Variants in SLC39A9 observed in about 807,000 individuals in gnomAD.
SLC39A9 encodes zinc transporter ZIP9.
A neutral mutation model predicts 28.4 loss-of-function variants in SLC39A9; 14 were observed. That is an observed-to-expected ratio of 0.49 (90% CI 0.33 to 0.77). The LOEUF (loss-of-function observed/expected upper bound fraction) is 0.77. SLC39A9 is among the 30% of genes least tolerant of loss of function. The pLI is 0.02. For synonymous variants in SLC39A9, 119 were observed against 149.6 expected (o/e 0.80, Z 1.49); for missense variants, 283 against 381.1 (o/e 0.74, Z 2.14).
chr14:69,411,003 G>T (rs1243121718), intron 1 of SLC39A9, among the ~76,000 whole-genome samples: 1 of 152,098 alleles, frequency 6.6e-6, no homozygotes, highest in Non-Finnish European at 1.5e-5. Flanking sequence ...CTTGAGGTCA[G>T]GAGTTTGAGA....
At chr14:69,412,127 C>T (rs535889496) in intron 1 of SLC39A9, among the ~76,000 whole-genome samples, 163 of 151,708 alleles carry the variant, frequency 1.1e-3, no homozygotes, top group African/African-American at 3.7e-3. Flanking sequence ...CAGTGACTCA[C>T]GCCTGTAATC....
intron 2 of SLC39A9, chr14:69,429,553 C>G (rs1884379838): frequency 6.6e-6 from 1 of 152,124 alleles, no homozygotes; most frequent in African/African-American, 2.4e-5. Flanking sequence ...TAGTGAAACC[C>G]TGTCCTTACA....
Position 69,442,121 on chromosome 14 carries a change from A to G in SLC39A9, c.258A>G (p.Ala86=). 1 of 1,614,230 alleles carries G rather than the reference A, an allele frequency of 6.2e-7. No homozygotes were observed. Among genetic ancestry groups the G allele is most frequent in the East Asian group, 2.2e-5 (1 of 44,892 alleles). Residue 86 remains alanine (A), a synonymous_variant, in exon 3 of 7, where the codon GCA becomes GCG. Transcript: ENST00000336643. ...ATAATGTGATTGCATCAGACAAAGC[A>G]GCAGAAAAATCAGTTGTCCATGAAC... ...ETHNVIASDK[A]AEKSVVHEHE... is the part of the protein sequence containing the mutation.
intron 2 of SLC39A9, 142 bp from the exon 3 acceptor site, chr14:69,441,927 T>C: frequency 7.0e-7 from 1 of 1,421,496 alleles, no homozygotes; most frequent in Non-Finnish European, 9.1e-7. Flanking sequence ...AAGGAGTTAA[T>C]GATTGGCTGG....
At chr14:69,435,426 C>T (rs1471448065) in intron 2 of SLC39A9, among the ~76,000 whole-genome samples, 1 of 152,098 alleles carries the variant, frequency 6.6e-6, no homozygotes, top group Non-Finnish European at 1.5e-5. Flanking sequence ...TATTTTTAGC[C>T]AGTGCCATTC....
Position 69,399,325 on chromosome 14 carries a change from G to A in SLC39A9, c.-45G>A. The A allele has an allele frequency of 6.4e-7, 1 of 1,560,720 alleles. No homozygotes were observed. The highest frequency in any genetic ancestry group is 1.1e-5 in the South Asian group (1 of 89,072). On this transcript the variant is annotated 5_prime_UTR_variant, in exon 1 of 7. Coordinates refer to ENST00000336643, the MANE Select transcript of SLC39A9 (RefSeq NM_018375.5). ...AACCTAAGCACCATTTAAAGCCACT[G>A]GAAATTTGTTGTCTAGTGGTTGTGG...
chr14:69,456,932 C>G (rs911677482), intron 6 of SLC39A9, among the ~76,000 whole-genome samples: 2 of 152,178 alleles, frequency 1.3e-5, no homozygotes, highest in African/African-American at 2.4e-5. Flanking sequence ...GAAGAGCCTT[C>G]TCTTCTTTCA....
At chr14:69,427,752 G>A (rs954481344) in intron 2 of SLC39A9, among the ~76,000 whole-genome samples, 1 of 152,156 alleles carries the variant, frequency 6.6e-6, no homozygotes, top group Admixed American at 6.5e-5. Flanking sequence ...TGTGTATTAT[G>A]GAAAAACTAT....
chr14:69,460,267 A>C lies in SLC39A9; in HGVS notation c.*1674A>C, dbSNP rs1475677069. Reference sequence around the variant, plus strand: ...GATTTATTTCCTTCATGAATTTGTCACTGGATCAGCAGCTGTGGAAATAAA... The same window carrying C: ...GATTTATTTCCTTCATGAATTTGTCCCTGGATCAGCAGCTGTGGAAATAAA... On this transcript the variant is annotated 3_prime_UTR_variant, in exon 7 of 7. Transcript: ENST00000336643. The C allele has an allele frequency of 2.0e-6, 2 of 985,704 alleles. No homozygotes were observed. Among genetic ancestry groups the C allele is most frequent in the African/African-American group, 1.7e-5 (1 of 57,250 alleles). 61.1% of individuals were successfully genotyped at this position (985,704 alleles called of 1,614,324 possible).
intron 1 of SLC39A9, among the ~76,000 whole-genome samples, chr14:69,419,677 G>A (rs1364406333): frequency 2.6e-5 from 4 of 152,108 alleles, no homozygotes; most frequent in South Asian, 2.1e-4. Flanking sequence ...TTATGAATCC[G>A]GGTGCTCCTG....
At chr14:69,456,514 A>G (rs748423771) in intron 6 of SLC39A9, among the ~76,000 whole-genome samples, 6 of 152,160 alleles carry the variant, frequency 3.9e-5, no homozygotes, top group Non-Finnish European at 8.8e-5. Flanking sequence ...CCCAGATAGT[A>G]ACTGTACAGT....
In SLC39A9 at chr14:69,419,372, A is replaced by G. The variant is rs148114052; in HGVS notation, c.97-4722A>G. ...TGCAGTGTGGTCTGAGAGACAGTTT[A>G]TTGTGATTTCTGTTCTTTTACATTT... On this transcript the variant is annotated intron_variant, in intron 1 of 6. Coordinates refer to ENST00000336643, the MANE Select transcript of SLC39A9 (RefSeq NM_018375.5). 2.9e-3 allele frequency among the ~76,000 whole-genome samples: 445 copies of G among 152,136 alleles called. 3 individuals are homozygous for G. Among genetic ancestry groups the G allele is most frequent in the African/African-American group, 0.01 (433 of 41,528 alleles).
rs192551591 is a variant in SLC39A9, at chr14:69,444,573, A to G, written c.403+2307A>G. On this transcript the variant is annotated intron_variant, in intron 3 of 6. Coordinates refer to ENST00000336643, the MANE Select transcript of SLC39A9 (RefSeq NM_018375.5). ...TTGGGGTGGCAATGCAAAATGGTAC[A>G]ATGCCCATGGAGAGGAATTTGGCAG... 2.0e-3 allele frequency among the ~76,000 whole-genome samples: 310 copies of G among 152,344 alleles called. 1 individual carries two copies. The highest frequency in any genetic ancestry group is 7.2e-3 in the African/African-American group (299 of 41,578).
chr14:69,441,781 C>T, intron 2 of SLC39A9: 1 of 1,110,110 alleles, frequency 9.0e-7, no homozygotes, highest in Non-Finnish European at 1.1e-6. Context: ...GATGGTGTCC[C>T]TTTGGGAATA....
rs1885977367 is a variant in SLC39A9, at chr14:69,458,580, G to A, written c.911G>A (p.Gly304Glu). ...GCLIPLILSV[G>E]HQH ...CTCATCCCTCTCATCCTGTCAGTAG[G>A]ACACCAGCATTAAATGTTCAAGGTC... Residue 304 changes from glycine to glutamate, a missense_variant, in exon 7 of 7, where the codon GGA becomes GAA. Gly to Glu is a moderately conservative substitution (Grantham distance 98). Coordinates refer to ENST00000336643, the MANE Select transcript of SLC39A9 (RefSeq NM_018375.5). 1.2e-6 allele frequency: 2 copies of A among 1,611,966 alleles called. No homozygotes were observed.
chr14:69,398,389 C>T, upstream of SLC39A9: 1 of 977,068 alleles, frequency 1.0e-6, no homozygotes, highest in South Asian at 1.4e-5. Context: ...GAGGCACAGT[C>T]ACTTCCGGCA....
intron 2 of SLC39A9, among the ~76,000 whole-genome samples, chr14:69,431,608 G>T (rs1433614267): frequency 2.0e-5 from 3 of 151,114 alleles, no homozygotes; most frequent in Non-Finnish European, 2.9e-5. Context: ...ACATGTACAG[G>T]TTTGTTACCT....
chr14:69,445,939 A>G (rs1477407247), intron 3 of SLC39A9, among the ~76,000 whole-genome samples: 1 of 152,244 alleles, frequency 6.6e-6, no homozygotes, highest in Non-Finnish European at 1.5e-5. Flanking sequence ...AACTAATTCA[A>G]GTAAATTATG....
rs143331970 is a variant in SLC39A9, at chr14:69,460,956, GAA to G, written c.*2364_*2365del. On this transcript the variant is annotated 3_prime_UTR_variant, in exon 7 of 7. Coordinates refer to ENST00000336643, the MANE Select transcript of SLC39A9 (RefSeq NM_018375.5). The stretch of plus-strand genomic sequence containing the variant: ...GTGGCACAGGCCTTCTTGACTGGAG[GAA>G]GAGCTTGCTGGCATGGTGGGCAGTA... 2.0e-6 allele frequency: 2 copies of G among 985,624 alleles called. No individual in the cohort carries two copies. Among genetic ancestry groups the G allele is most frequent in the East Asian group, 2.3e-4 (2 of 8,820 alleles). The allele number at this position is 985,624 out of a possible 1,614,324, so 61.1% of individuals were successfully genotyped here. A position where few individuals can be genotyped will look rare whatever the true frequency, so the allele number is the denominator to read the frequency against.
Sources: gnomAD v4.1 joint callset for allele counts (sites outside exome capture counted in the v4.1 genomes callset) on GRCh38, gnomAD v4.1.1 for gene constraint, MANE v1.5 for transcripts, NCBI Gene and HGNC (gene_info 2026-07-23, HGNC 2026-07-21) for gene names.